Variants in RPAP2 observed in about 807,000 individuals in gnomAD.
RPAP2 encodes the protein RNA polymerase II associated protein 2, also known as putative RNA polymerase II subunit B1 CTD phosphatase RPAP2.
Under a neutral mutation model 73.1 loss-of-function variants are expected in RPAP2, and 52 were observed. The ratio of observed to expected loss-of-function variants is 0.71; its 90% CI spans 0.57 to 0.90. RPAP2 has a LOEUF of 0.90. RPAP2 is among the 40% of genes least tolerant of loss of function. RPAP2 has a pLI of 0.00. For synonymous variants in RPAP2, 225 were observed against 242.1 expected (o/e 0.93, Z 0.65); for missense variants, 598 against 701.8 (o/e 0.85, Z 1.67).
rs1653292080 is a variant in RPAP2 at position 92,336,576 on chromosome 1, C to T, written c.1619+149C>T. On this transcript the variant is annotated intron_variant, in intron 10 of 12. Transcript: ENST00000610020. The stretch of plus-strand genomic sequence containing the variant: ...TTCTATTTTCTCCTCCACTAAACAA[C>T]ATTATTTCTCTCTTCTATTGAATGC... 5.1e-6 allele frequency: 3 copies of T among 591,698 alleles called. No individual in the cohort carries two copies. The South Asian group carries it at 6.9e-5, about 14-fold the overall frequency. 36.7% of individuals were successfully genotyped at this position (591,698 alleles called of 1,614,324 possible).
intron 11 of RPAP2, among the ~76,000 whole-genome samples, chr1:92,359,540 G>A (rs958755541): frequency 2.0e-5 from 3 of 152,120 alleles, no homozygotes; most frequent in Non-Finnish European, 2.9e-5. Context: ...GGCTGGTCCC[G>A]AACTTCTGAC....
At chr1:92,359,234 AG>A (rs1654625068) in intron 11 of RPAP2, among the ~76,000 whole-genome samples, 2 of 152,270 alleles carry the variant, frequency 1.3e-5, no homozygotes, top group Non-Finnish European at 1.5e-5. Flanking sequence ...ATATTAAGAC[AG>A]GTGGCTGTGA....
intron 3 of RPAP2, 62 bp from the exon 4 acceptor site, chr1:92,303,911 TTAGA>T: frequency 9.3e-7 from 1 of 1,071,808 alleles, no homozygotes; most frequent in East Asian, 2.4e-5. Context: ...TTGATGAGGC[TTAGA>T]GAGCTGATAA....
intron 3 of RPAP2, among the ~76,000 whole-genome samples, chr1:92,302,875 C>G (rs1420305659): frequency 1.3e-5 from 2 of 150,390 alleles, no homozygotes; most frequent in East Asian, 4.1e-4. Flanking sequence ...GCTGGGATTA[C>G]AGGCATGAGC....
chr1:92,345,379 T>TAA (rs57025975), intron 10 of RPAP2, among the ~76,000 whole-genome samples: 11 of 73,730 alleles, frequency 1.5e-4, no homozygotes, highest in East Asian at 5.5e-4. Flanking sequence ...CCCGTTTCTT[T>TAA]AAAAAAAAAA....
At chr1:92,380,626 T>C (rs891937115) in intron 11 of RPAP2, 98 bp from the exon 12 acceptor site, 6 of 794,040 alleles carry the variant, frequency 7.6e-6, no homozygotes, top group African/African-American at 1.8e-5. Context: ...AAAGAGACTT[T>C]ATTATTCTCA....
At position 92,324,276 on chromosome 1, in the gene RPAP2, G is replaced by GA. The variant is rs1557601969; in HGVS notation, c.1362dup (p.Glu455ArgfsTer3). ...AACCACTGCCAAGTTACGAGAATTT[G>GA]AAAAAAGAAACTGAAAAGTTAAATC... is the stretch of plus-strand genomic sequence containing the variant. On this transcript the variant is annotated frameshift_variant, in exon 8 of 13. Transcript: ENST00000610020. LOFTEE classifies it high-confidence loss of function. 1.2e-6 allele frequency: 2 copies of GA among 1,613,850 alleles called. No individual in the cohort carries two copies. The highest frequency in any genetic ancestry group is 1.3e-5 in the African/African-American group (1 of 75,006).
At chr1:92,370,107 ACTC>A (rs1222970754) in intron 11 of RPAP2, among the ~76,000 whole-genome samples, 1 of 150,562 alleles carries the variant, frequency 6.6e-6, no homozygotes, top group Non-Finnish European at 1.5e-5. Context: ...CTTGTCTTGA[ACTC>A]CTGGCCAAAA....
chr1:92,349,149 G>C (rs1237603155), intron 11 of RPAP2, among the ~76,000 whole-genome samples: 1 of 152,072 alleles, frequency 6.6e-6, no homozygotes, highest in Non-Finnish European at 1.5e-5. Context: ...ATTTCCAATG[G>C]AATTTTTAAG....
intron 10 of RPAP2, among the ~76,000 whole-genome samples, chr1:92,345,038 T>A (rs1432781260): frequency 6.6e-6 from 1 of 152,188 alleles, no homozygotes; most frequent in Non-Finnish European, 1.5e-5. Context: ...AAAATTTACT[T>A]CTGTTTTTTT....
At position 92,393,073 on chromosome 1, in the gene RPAP2, T is replaced by G. The variant is rs1157429064; in HGVS notation, c.*6062T>G. ...GCTGGAGGCATCACACTACCTGACT[T>G]CAAACTTTACTACAAGCCTACAGTA... On this transcript the variant is annotated 3_prime_UTR_variant, in exon 13 of 13. Transcript: ENST00000610020. The G allele has an allele frequency of 6.6e-6, 1 of 152,102 alleles. No homozygotes were observed. The highest frequency in any genetic ancestry group is 1.5e-5 in the Non-Finnish European group (1 of 68,024). The allele number at this position is 152,102 out of a possible 1,614,324, so 9.4% of individuals were successfully genotyped here. A position where few individuals can be genotyped will look rare whatever the true frequency, so the allele number is the denominator to read the frequency against.
At chr1:92,344,034 T>C (rs1179720951) in intron 10 of RPAP2, among the ~76,000 whole-genome samples, 2 of 152,226 alleles carry the variant, frequency 1.3e-5, no homozygotes, top group African/African-American at 2.4e-5. Context: ...GTGAAGTAGA[T>C]GTGTATCCTT....
intron 6 of RPAP2, among the ~76,000 whole-genome samples, chr1:92,317,115 A>G (rs1240610005): frequency 6.6e-6 from 1 of 152,182 alleles, no homozygotes; most frequent in African/African-American, 2.4e-5. Flanking sequence ...GGATATAGAA[A>G]GGGCTTGGCC....
intron 11 of RPAP2, among the ~76,000 whole-genome samples, chr1:92,367,680 A>G (rs1443200853): frequency 2.0e-5 from 3 of 152,246 alleles, no homozygotes; most frequent in Non-Finnish European, 4.4e-5. Context: ...TGATAGGTAC[A>G]GAAAAGTGTG....
chr1:92,351,305 C>CAAAAAAA (rs60111119), intron 11 of RPAP2, among the ~76,000 whole-genome samples: 26 of 86,838 alleles, frequency 3.0e-4, no homozygotes, highest in African/African-American at 9.2e-4. Flanking sequence ...GACTCTGTCT[C>CAAAAAAA]AAAAAAAAAA....
intron 8 of RPAP2, among the ~76,000 whole-genome samples, chr1:92,331,723 T>A (rs1310970246): frequency 2.0e-5 from 3 of 152,180 alleles, no homozygotes; most frequent in Non-Finnish European, 4.4e-5. Context: ...ATTTATTCAA[T>A]TAATTACTCT....
intron 11 of RPAP2, among the ~76,000 whole-genome samples, chr1:92,363,452 G>A (rs1462830585): frequency 6.6e-6 from 1 of 152,202 alleles, no homozygotes; most frequent in Non-Finnish European, 1.5e-5. Context: ...CGTGGCTGCA[G>A]ATGCATTTAT....
At chr1:92,305,626 G>T (rs115166976) in intron 5 of RPAP2, among the ~76,000 whole-genome samples, 2,950 of 151,366 alleles carry the variant, frequency 0.019, 118 homozygotes, top group African/African-American at 0.067. Context: ...AATGTTAACT[G>T]ACCATAGAAT....
intron 11 of RPAP2, among the ~76,000 whole-genome samples, chr1:92,346,442 G>A (rs1259733583): frequency 6.6e-6 from 1 of 152,102 alleles, no homozygotes; most frequent in Non-Finnish European, 1.5e-5. Flanking sequence ...AGGATTATAG[G>A]CATGAGCCAC....
Sources: allele counts gnomAD v4.1 joint callset (sites outside exome capture counted in the v4.1 genomes callset), GRCh38; gene constraint gnomAD v4.1.1; transcripts MANE v1.5; gene names NCBI Gene and HGNC (gene_info 2026-07-23, HGNC 2026-07-21).